SULT1E1: variants seen among roughly 807,000 people sequenced by gnomAD.
SULT1E1 encodes the protein sulfotransferase 1E1.
A neutral mutation model predicts 33.6 loss-of-function variants in SULT1E1; 36 were observed. The observed-to-expected ratio is 1.07, with a 90% CI of 0.82 to 1.41. The LOEUF (loss-of-function observed/expected upper bound fraction) is 1.41. SULT1E1 is among the 40% of genes most tolerant of loss of function. SULT1E1 has a pLI of 0.00. For missense variants in SULT1E1, 371 were observed against 345.7 expected (o/e 1.07, Z -0.58); for synonymous variants, 121 against 111.7 (o/e 1.08, Z -0.53).
At chr4:69,856,192 G>A (rs1721231510) in intron 2 of SULT1E1, among the ~76,000 whole-genome samples, 1 of 152,112 alleles carries the variant, frequency 6.6e-6, no homozygotes, top group African/African-American at 2.4e-5. Flanking sequence ...GAAAATAATT[G>A]GAAATAGACT....
chr4:69,850,792 G>A (rs1019928199), intron 4 of SULT1E1, among the ~76,000 whole-genome samples: 2 of 151,952 alleles, frequency 1.3e-5, no homozygotes, highest in African/African-American at 4.8e-5. Context: ...CCTCCATGAG[G>A]CTTTTTATTT....
intron 2 of SULT1E1, among the ~76,000 whole-genome samples, chr4:69,857,205 T>A (rs1226805069): frequency 6.6e-6 from 1 of 152,100 alleles, no homozygotes; most frequent in Admixed American, 6.6e-5. Context: ...ATTAATGACA[T>A]AAGGTAAACA....
At chr4:69,822,242 G>C in the SULT1E1 span, among the ~76,000 whole-genome samples, 5 of 152,152 alleles carry the variant, frequency 3.3e-5, no homozygotes, top group Non-Finnish European at 7.3e-5. Context: ...TTTTAAGGTA[G>C]GTACTATTAT....
At chr4:69,832,131 C>A in the SULT1E1 span, among the ~76,000 whole-genome samples, 2 of 152,192 alleles carry the variant, frequency 1.3e-5, no homozygotes, top group Non-Finnish European at 2.9e-5. Context: ...CTGCCTTGAG[C>A]CCCAAAACCT....
rs780695255 is a variant in SULT1E1, at chr4:69,841,742, G to A, written c.*252C>T. On this transcript the variant is annotated 3_prime_UTR_variant, in exon 8 of 8. Transcript: ENST00000226444. ...TGTAGTCCTAGCTACTTGGGAGGCT[G>A]AGATGGGAGGATCAATTGAGTCAAG... 2 of 297,086 alleles carry A rather than the reference G, an allele frequency of 6.7e-6. No individual in the cohort carries two copies. Among genetic ancestry groups the A allele is most frequent in the Non-Finnish European group, 1.2e-5 (2 of 163,234 alleles). 18.4% of individuals were successfully genotyped at this position (297,086 alleles called of 1,614,324 possible).
downstream of SULT1E1, among the ~76,000 whole-genome samples, chr4:69,837,898 T>A (rs928967867): frequency 2.0e-5 from 3 of 152,242 alleles, no homozygotes; most frequent in African/African-American, 7.2e-5. Context: ...TTTCATAAAA[T>A]TCACTGAAGT....
At chr4:69,844,384 A>T (rs780356792) in intron 6 of SULT1E1, 43 bp from the exon 7 acceptor site, 2 of 1,426,634 alleles carry the variant, frequency 1.4e-6, no homozygotes, top group Middle Eastern at 4.1e-4. Flanking sequence ...GCTAAAACTG[A>T]ATAAATCACT....
chr4:69,855,346 T>G lies in SULT1E1; in HGVS notation c.226A>C (p.Asn76His). 1 of 1,613,270 alleles carries G rather than the reference T, an allele frequency of 6.2e-7. No homozygotes were observed. The highest frequency in any genetic ancestry group is 8.5e-7 in the Non-Finnish European group (1 of 1,179,568). The change falls in exon 3 of 8, where the codon AAT (asparagine) becomes CAT (histidine). Residue 76 changes from asparagine (N) to histidine (H), a missense_variant. Physicochemically the swap from Asn to His is moderately conservative, Grantham distance 68. Coordinates refer to ENST00000226444, the MANE Select transcript of SULT1E1 (RefSeq NM_005420.3). ...CTGCATTCCAGGAAAGGTATTCGATTAAAAATTACATCTTCTTTGCACTTT... is the reference window on the plus strand; with the variant it reads ...CTGCATTCCAGGAAAGGTATTCGATGAAAAATTACATCTTCTTTGCACTTT... ...VEKCKEDVIF[N>H]RIPFLECRKE...
downstream of SULT1E1, among the ~76,000 whole-genome samples, chr4:69,838,803 G>A (rs1409173338): frequency 6.6e-6 from 1 of 152,100 alleles, no homozygotes; most frequent in African/African-American, 2.4e-5. Flanking sequence ...CCTGGCTGAG[G>A]TAGGGTTTCT....
intron 5 of SULT1E1, among the ~76,000 whole-genome samples, chr4:69,848,180 A>C (rs534569119): frequency 7.3e-5 from 11 of 151,634 alleles, no homozygotes; most frequent in Admixed American, 2.0e-4. Context: ...GATAGTCATA[A>C]GAATATAGTT....
At chr4:69,832,522 G>T in the SULT1E1 span, among the ~76,000 whole-genome samples, 2 of 152,210 alleles carry the variant, frequency 1.3e-5, no homozygotes, top group Non-Finnish European at 2.9e-5. Flanking sequence ...CTCCTAAGTG[G>T]TGCGAAAACA....
the SULT1E1 span, among the ~76,000 whole-genome samples, chr4:69,823,092 T>C: frequency 1.3e-5 from 2 of 152,132 alleles, no homozygotes; most frequent in South Asian, 2.1e-4. Flanking sequence ...CAGGAGAATC[T>C]TTATTGAGTG....
At chr4:69,851,860 A>T (rs996821150) in intron 4 of SULT1E1, among the ~76,000 whole-genome samples, 3 of 152,168 alleles carry the variant, frequency 2.0e-5, no homozygotes, top group African/African-American at 4.8e-5. Flanking sequence ...CATTCTCAGC[A>T]AACTATCTCA....
At chr4:69,828,979 G>A in the SULT1E1 span, among the ~76,000 whole-genome samples, 1 of 152,156 alleles carries the variant, frequency 6.6e-6, no homozygotes, top group Non-Finnish European at 1.5e-5. Flanking sequence ...AAAGATTGTG[G>A]GAGAGTTCTT....
chr4:69,821,635 T>G, the SULT1E1 span, among the ~76,000 whole-genome samples: 2 of 152,212 alleles, frequency 1.3e-5, no homozygotes, highest in African/African-American at 4.8e-5. Flanking sequence ...ATACTTTCAT[T>G]CGTGTGTCTC....
downstream of SULT1E1, among the ~76,000 whole-genome samples, chr4:69,840,294 A>G (rs913650722): frequency 2.6e-5 from 4 of 152,164 alleles, no homozygotes; most frequent in Non-Finnish European, 5.9e-5. Context: ...AAAGTAAGAA[A>G]ATAAATCATC....
At chr4:69,849,637 G>T in intron 4 of SULT1E1, 74 bp from the exon 5 acceptor site, 2 of 1,345,834 alleles carry the variant, frequency 1.5e-6, no homozygotes, top group South Asian at 1.5e-5. Context: ...TTTTTAAAAA[G>T]GATTTACATT....
At chr4:69,849,681 A>G (rs1357932822) in intron 4 of SULT1E1, 118 bp from the exon 5 acceptor site, 1 of 899,034 alleles carries the variant, frequency 1.1e-6, no homozygotes, top group Non-Finnish European at 1.6e-6. Context: ...TTAATTTTAC[A>G]AAATGCATAA....
chr4:69,854,360 C>G, intron 3 of SULT1E1, 46 bp from the exon 4 acceptor site: 1 of 1,234,216 alleles, frequency 8.1e-7, no homozygotes, highest in South Asian at 1.3e-5. Flanking sequence ...AAAATTGTAA[C>G]TATTTATGTG....
Sources: allele counts gnomAD v4.1 joint callset (sites outside exome capture counted in the v4.1 genomes callset), GRCh38; gene constraint gnomAD v4.1.1; transcripts MANE v1.5; gene names NCBI Gene and HGNC (gene_info 2026-07-23, HGNC 2026-07-21).